GLIS3: variants seen among roughly 807,000 people sequenced by gnomAD.
The protein encoded by GLIS3 is GLIS family zinc finger 3.
GLIS3 carries 53 observed loss-of-function variants against 78.6 expected under a neutral mutation model. That is an observed-to-expected ratio of 0.67 (90% CI 0.54 to 0.85). The LOEUF is 0.85. Ranked by LOEUF, GLIS3 falls within the 40% of genes least tolerant of loss-of-function variation. GLIS3 has a pLI of 0.00. For synonymous variants in GLIS3, 684 were observed against 509.9 expected (o/e 1.34, Z -4.60); for missense variants, 1,703 against 1,231.1 (o/e 1.38, Z -5.74).
At chr9:4,139,812 TA>T (rs1833672052) in intron 2 of GLIS3, among the ~76,000 whole-genome samples, 1 of 152,188 alleles carries the variant, frequency 6.6e-6, no homozygotes, top group Non-Finnish European at 1.5e-5. Context: ...TATGAGAATC[TA>T]ATCCCACTGC....
At chr9:4,184,652 T>C (rs1191161770) in intron 2 of GLIS3, among the ~76,000 whole-genome samples, 4 of 152,140 alleles carry the variant, frequency 2.6e-5, no homozygotes, top group East Asian at 3.8e-4. Context: ...AGGTGAAGAG[T>C]TCCTACTGGG....
upstream of GLIS3, among the ~76,000 whole-genome samples, chr9:4,350,934 T>C (rs1817963188): frequency 6.6e-6 from 1 of 152,240 alleles, no homozygotes; most frequent in Non-Finnish European, 1.5e-5. Flanking sequence ...AAGGGCTCTT[T>C]GATCAATAAA....
chr9:4,196,472 C>T (rs1416934658), intron 2 of GLIS3, among the ~76,000 whole-genome samples: 2 of 152,202 alleles, frequency 1.3e-5, no homozygotes, highest in Non-Finnish European at 2.9e-5. Context: ...CTATTTGGGT[C>T]CGCACTGCCT....
At chr9:3,968,908 A>G (rs892814343) in intron 4 of GLIS3, among the ~76,000 whole-genome samples, 1 of 152,252 alleles carries the variant, frequency 6.6e-6, no homozygotes, top group Non-Finnish European at 1.5e-5. Context: ...AGATCTAACT[A>G]TAAGTGAGTG....
At chr9:3,980,693 T>C (rs562949235) in intron 4 of GLIS3, among the ~76,000 whole-genome samples, 1 of 152,348 alleles carries the variant, frequency 6.6e-6, no homozygotes, top group Non-Finnish European at 1.5e-5. Context: ...AAAGTGCAGG[T>C]AGTTCTAAAC....
chr9:4,329,170 T>C (rs3895472), intron 2 of GLIS3, among the ~76,000 whole-genome samples: 136,213 of 152,104 alleles, frequency 0.9, 61,152 homozygotes, highest in East Asian at 0.99. Context: ...CTGTGGCCCT[T>C]CATTTCCTTG....
At chr9:4,483,321 T>C in the GLIS3 span, among the ~76,000 whole-genome samples, 1 of 152,218 alleles carries the variant, frequency 6.6e-6, no homozygotes, top group East Asian at 1.9e-4. Context: ...GAGACCAAAG[T>C]GTCTGCTGGA....
chr9:4,106,058 G>A (rs1395646876), intron 4 of GLIS3, among the ~76,000 whole-genome samples: 5 of 152,144 alleles, frequency 3.3e-5, no homozygotes, highest in Admixed American at 3.3e-4. Flanking sequence ...AGAAACAAAC[G>A]GCACCTGTCC....
chr9:3,947,597 C>T (rs998511694), intron 4 of GLIS3, among the ~76,000 whole-genome samples: 4 of 152,050 alleles, frequency 2.6e-5, no homozygotes, highest in Non-Finnish European at 5.9e-5. Context: ...ATGAATTTGC[C>T]AAGAGAGAAA....
At chr9:4,079,875 T>G (rs1828403228) in intron 4 of GLIS3, among the ~76,000 whole-genome samples, 1 of 151,340 alleles carries the variant, frequency 6.6e-6, no homozygotes, top group African/African-American at 2.4e-5. Context: ...TCAACACTGC[T>G]CTCTCAAAAT....
At chr9:4,322,211 T>A (rs1436489407) in intron 2 of GLIS3, among the ~76,000 whole-genome samples, 1 of 152,208 alleles carries the variant, frequency 6.6e-6, no homozygotes, top group Non-Finnish European at 1.5e-5. Context: ...CATGAACTCA[T>A]CCTTTTTTAT....
intron 4 of GLIS3, among the ~76,000 whole-genome samples, chr9:4,010,278 G>A (rs752268047): frequency 6.6e-6 from 1 of 152,180 alleles, no homozygotes; most frequent in Non-Finnish European, 1.5e-5. Flanking sequence ...CCTTGGCCAA[G>A]TTATTCGACC....
chr9:4,133,284 G>A (rs1439293215), intron 2 of GLIS3, among the ~76,000 whole-genome samples: 1 of 152,156 alleles, frequency 6.6e-6, no homozygotes, highest in Non-Finnish European at 1.5e-5. Flanking sequence ...GTATTAGTAT[G>A]TAATATGCCA....
chr9:4,026,527 AATCTATCT>A (rs879335718), intron 4 of GLIS3, among the ~76,000 whole-genome samples: 1 of 152,174 alleles, frequency 6.6e-6, no homozygotes, highest in African/African-American at 2.4e-5. Flanking sequence ...GGAGGAAAAA[AATCTATCT>A]ATCTATCTAT....
intron 4 of GLIS3, among the ~76,000 whole-genome samples, chr9:4,070,736 G>A (rs1211501530): frequency 6.6e-6 from 1 of 152,118 alleles, no homozygotes; most frequent in Non-Finnish European, 1.5e-5. Context: ...CAAGTAATCA[G>A]CACTTAAATA....
intron 2 of GLIS3, among the ~76,000 whole-genome samples, chr9:4,265,897 G>GTTTTTTTTTTTTTTTT (rs148160187): frequency 1.7e-5 from 2 of 120,694 alleles, no homozygotes; most frequent in Non-Finnish European, 3.3e-5. Context: ...ACTCACCCTG[G>GTTTTTTTTTTTTTTTT]TTTTTTTTTT....
intron 4 of GLIS3, among the ~76,000 whole-genome samples, chr9:3,956,028 CAAAAAA>C (rs5896037): frequency 6.0e-4 from 53 of 87,604 alleles, no homozygotes; most frequent in Non-Finnish European, 7.1e-4. Flanking sequence ...CCAGATTCAG[CAAAAAA>C]AAAAAAAAAA....
intron 4 of GLIS3, among the ~76,000 whole-genome samples, chr9:4,047,066 T>C (rs1414712360): frequency 6.6e-6 from 1 of 152,180 alleles, no homozygotes; most frequent in Non-Finnish European, 1.5e-5. Flanking sequence ...CACCTGGAAC[T>C]GTAATCCCCA....
intron 4 of GLIS3, among the ~76,000 whole-genome samples, chr9:3,973,464 G>C (rs1818539664): frequency 6.6e-6 from 1 of 152,052 alleles, no homozygotes; most frequent in African/African-American, 2.4e-5. Flanking sequence ...GGTGTGGCCA[G>C]CTCCCAAATT....
Sources: allele counts gnomAD v4.1 joint callset (sites outside exome capture counted in the v4.1 genomes callset), GRCh38; gene constraint gnomAD v4.1.1; transcripts MANE v1.5; gene names NCBI Gene and HGNC (gene_info 2026-07-23, HGNC 2026-07-21).